The following KCNQ1OT1 variants were observed in gnomAD, a reference collection of about 807,000 sequenced individuals.
KCNQ1OT1 encodes the protein KCNQ1 opposite strand/antisense transcript 1.
At position 2,684,603 on chromosome 11, in the gene KCNQ1OT1, G is replaced by C. The variant is rs1402774115; in HGVS notation, n.15392C>G. The C allele has an allele frequency of 2.0e-5, 8 of 398,528 alleles. No individual in the cohort carries two copies. In the East Asian group the frequency reaches 2.8e-4, roughly 14 times the overall value. The allele number at this position is 398,528 out of a possible 1,614,324, so 24.7% of individuals were successfully genotyped here. On this transcript the variant is annotated non_coding_transcript_exon_variant, in exon 1 of 1. Coordinates refer to ENST00000597346, the Ensembl canonical transcript of KCNQ1OT1. ...AGAGGAGAGTGACTGTCCTTTGTCTGTGGCCCTGGATTTGAGGCTAAGCCT... is the reference window on the plus strand; with the variant it reads ...AGAGGAGAGTGACTGTCCTTTGTCTCTGGCCCTGGATTTGAGGCTAAGCCT...
rs191141051 is a variant in KCNQ1OT1 at position 2,630,995 on chromosome 11, C to A, written n.69000G>T. 426 of 398,482 alleles carry A rather than the reference C, an allele frequency of 1.1e-3. No homozygotes were observed. The highest frequency in any genetic ancestry group is 1.5e-3 in the Non-Finnish European group (334 of 226,004). 24.7% of individuals were successfully genotyped at this position (398,482 alleles called of 1,614,324 possible). On this transcript the variant is annotated non_coding_transcript_exon_variant, in exon 1 of 1. Coordinates refer to ENST00000597346, the Ensembl canonical transcript of KCNQ1OT1. ...AGATGTAAGAACTTTATTTATCTTG[C>A]CGCTTTCAAAATTATCTTGTCTTCC...
Position 2,676,241 on chromosome 11 carries a change from G to A in KCNQ1OT1, n.23754C>T, listed in dbSNP as rs1054688596. ...TACAATGCTGATTTATTATGGTGCAGTACATCTGAGAAGCATTTTTATTGC... is the reference window on the plus strand; with the variant it reads ...TACAATGCTGATTTATTATGGTGCAATACATCTGAGAAGCATTTTTATTGC... On this transcript the variant is annotated non_coding_transcript_exon_variant, in exon 1 of 1. Coordinates refer to ENST00000597346, the Ensembl canonical transcript of KCNQ1OT1. The surrounding 1 kb of genome is among the most constrained non-coding windows in gnomAD (Gnocchi z 4.2). 2.3e-5 allele frequency: 9 copies of A among 398,502 alleles called. No individual in the cohort carries two copies. Among genetic ancestry groups the A allele is most frequent in the African/African-American group, 1.9e-4 (9 of 48,628 alleles). 24.7% of individuals were successfully genotyped at this position (398,502 alleles called of 1,614,324 possible).
chr11:2,667,758 C>G (rs1045304950), exon 1 of KCNQ1OT1: 3 of 398,580 alleles, frequency 7.5e-6, no homozygotes, highest in Non-Finnish European at 1.3e-5. Context: ...CTGGGCCTAG[C>G]GGCCCTGAAG....
At chr11:2,632,826 A>C (rs748675887) in exon 1 of KCNQ1OT1, 3 of 398,278 alleles carry the variant, frequency 7.5e-6, no homozygotes, top group Non-Finnish European at 1.3e-5. Flanking sequence ...CTGCTGATGG[A>C]GATTTAAGTT....
At position 2,661,893 on chromosome 11, in the gene KCNQ1OT1, G is replaced by T; in HGVS notation, n.38102C>A. 1.2e-6 allele frequency: 2 copies of T among 1,606,194 alleles called. No homozygotes were observed. The highest frequency in any genetic ancestry group is 8.5e-7 in the Non-Finnish European group (1 of 1,173,606). ...CTCACCTGGCCCTGGGAGCTCACAG[G>T]CCTGGCTCCACAGCACTGGCAGGTT... On this transcript the variant is annotated non_coding_transcript_exon_variant, in exon 1 of 1. Coordinates refer to ENST00000597346, the Ensembl canonical transcript of KCNQ1OT1. The surrounding 1 kb of genome is among the most constrained non-coding windows in gnomAD (Gnocchi z 5.9).
exon 1 of KCNQ1OT1, chr11:2,610,267 C>T (rs1848957644): frequency 2.5e-6 from 1 of 397,916 alleles, no homozygotes; most frequent in Non-Finnish European, 4.4e-6. Flanking sequence ...AGAAGTTATT[C>T]CTGTATGAGT....
chr11:2,622,813 C>A, exon 1 of KCNQ1OT1: 1 of 398,612 alleles, frequency 2.5e-6, no homozygotes, highest in Non-Finnish European at 4.4e-6. Flanking sequence ...ACATACAGAG[C>A]TTTTCCCATT....
At chr11:2,634,609 T>C (rs1849424736) in exon 1 of KCNQ1OT1, 1 of 152,200 alleles carries the variant, frequency 6.6e-6, no homozygotes, top group African/African-American at 2.4e-5. Flanking sequence ...TTCCAAGTCT[T>C]TGCTATCGTG....
exon 1 of KCNQ1OT1, chr11:2,697,211 AACT>A (rs1471242447): frequency 7.5e-6 from 3 of 398,494 alleles, no homozygotes. Flanking sequence ...CTAAGATGGT[AACT>A]ATCAACAGAT....
exon 1 of KCNQ1OT1, chr11:2,630,348 A>G: frequency 5.0e-6 from 2 of 397,964 alleles, no homozygotes; most frequent in Non-Finnish European, 8.9e-6. Flanking sequence ...GTATAGTCAT[A>G]AAAAAATATC....
In KCNQ1OT1 at chr11:2,645,499, G is replaced by T. The variant is rs1377428460; in HGVS notation, n.54496C>A. The T allele has an allele frequency of 2.5e-6, 1 of 398,630 alleles. No individual in the cohort carries two copies. Among genetic ancestry groups the T allele is most frequent in the Non-Finnish European group, 4.4e-6 (1 of 226,182 alleles). 24.7% of individuals were successfully genotyped at this position (398,630 alleles called of 1,614,324 possible). A position where few individuals can be genotyped will look rare whatever the true frequency, so the allele number is the denominator to read the frequency against. On this transcript the variant is annotated non_coding_transcript_exon_variant, in exon 1 of 1. Coordinates refer to ENST00000597346, the Ensembl canonical transcript of KCNQ1OT1. This position sits in a 1 kb window ranked among gnomAD's most constrained non-coding sequence, Gnocchi z 5.8. Reference sequence around the variant, plus strand: ...CCTGCTGAATGCTCATGTTGGGGCAGCAGCAACTCTATTGCAGCCCTACTC... The same window carrying T: ...CCTGCTGAATGCTCATGTTGGGGCATCAGCAACTCTATTGCAGCCCTACTC...
chr11:2,640,654 T>C (rs879284071), exon 1 of KCNQ1OT1: 1 of 398,178 alleles, frequency 2.5e-6, no homozygotes. Flanking sequence ...AGTCAGGGTA[T>C]CCATCACCCT....
chr11:2,617,208 G>C lies in KCNQ1OT1; in HGVS notation n.82787C>G, dbSNP rs1005600920. 6 of 398,024 alleles carry C rather than the reference G, an allele frequency of 1.5e-5. No individual in the cohort carries two copies. The highest frequency in any genetic ancestry group is 1.8e-5 in the Non-Finnish European group (4 of 225,854). The allele number at this position is 398,024 out of a possible 1,614,324, so 24.7% of individuals were successfully genotyped here. On this transcript the variant is annotated non_coding_transcript_exon_variant, in exon 1 of 1. Transcript: ENST00000597346. This position sits in a 1 kb window ranked among gnomAD's most constrained non-coding sequence, Gnocchi z 4.6. ...ATATATCTGCTACTTGGTATCCTTT[G>C]ACCTACATCTTTCCATTTTCTTCCC...
At chr11:2,672,421 C>T (rs149264822) in exon 1 of KCNQ1OT1, 8 of 398,482 alleles carry the variant, frequency 2.0e-5, no homozygotes, top group African/African-American at 1.6e-4. Context: ...GAGTACAGAA[C>T]AGTCCACCCC....
chr11:2,630,541 T>C, exon 1 of KCNQ1OT1: 1 of 398,330 alleles, frequency 2.5e-6, no homozygotes, highest in African/African-American at 2.1e-5. Flanking sequence ...TGCATATCCA[T>C]TGAGAAATTA....
At position 2,661,451 on chromosome 11, in the gene KCNQ1OT1, G is replaced by C; in HGVS notation, n.38544C>G. Reference sequence around the variant, plus strand: ...ACTGGTTGATGTAGCATCGTGTTTTGAGGAAGGAGTTCTGTGGCTGCCCCC... The same window carrying C: ...ACTGGTTGATGTAGCATCGTGTTTTCAGGAAGGAGTTCTGTGGCTGCCCCC... On this transcript the variant is annotated non_coding_transcript_exon_variant, in exon 1 of 1. Coordinates refer to ENST00000597346, the Ensembl canonical transcript of KCNQ1OT1. The surrounding 1 kb of genome is among the most constrained non-coding windows in gnomAD (Gnocchi z 5.9). 1 of 438,936 alleles carries C rather than the reference G, an allele frequency of 2.3e-6. No homozygotes were observed. Among genetic ancestry groups the C allele is most frequent in the Non-Finnish European group, 4.0e-6 (1 of 249,802 alleles). The allele number at this position is 438,936 out of a possible 1,614,324, so 27.2% of individuals were successfully genotyped here. A position where few individuals can be genotyped will look rare whatever the true frequency, so the allele number is the denominator to read the frequency against.
rs778151566 is a variant in KCNQ1OT1 at position 2,662,634 on chromosome 11, C to T, written n.37361G>A. 6.3e-4 allele frequency: 257 copies of T among 409,214 alleles called. No individual in the cohort carries two copies. Among genetic ancestry groups the T allele is most frequent in the Non-Finnish European group, 9.1e-4 (210 of 231,820 alleles). The allele number at this position is 409,214 out of a possible 1,614,324, so 25.3% of individuals were successfully genotyped here. On this transcript the variant is annotated non_coding_transcript_exon_variant, in exon 1 of 1. Coordinates refer to ENST00000597346, the Ensembl canonical transcript of KCNQ1OT1. ...CATGGCCAGGCCAATCCCCGGTGCC[C>T]GGCCACGGTGTGATTCCCCTGCGAC...
chr11:2,657,017 C>T lies in KCNQ1OT1; in HGVS notation n.42978G>A, dbSNP rs1590011301. 1 of 398,626 alleles carries T rather than the reference C, an allele frequency of 2.5e-6. No homozygotes were observed. The highest frequency in any genetic ancestry group is 3.6e-5 in the East Asian group (1 of 28,074). 24.7% of individuals were successfully genotyped at this position (398,626 alleles called of 1,614,324 possible). A position where few individuals can be genotyped will look rare whatever the true frequency, so the allele number is the denominator to read the frequency against. The stretch of plus-strand genomic sequence containing the variant: ...CAGGATGTGCAGGCCACCTCTGATA[C>T]ACAGCAAGCTTCCATATTTGTGTGG... On this transcript the variant is annotated non_coding_transcript_exon_variant, in exon 1 of 1. Coordinates refer to ENST00000597346, the Ensembl canonical transcript of KCNQ1OT1. The surrounding 1 kb of genome is among the most constrained non-coding windows in gnomAD (Gnocchi z 4.8).
chr11:2,630,599 A>G, exon 1 of KCNQ1OT1: 1 of 398,314 alleles, frequency 2.5e-6, no homozygotes, highest in Non-Finnish European at 4.4e-6. Flanking sequence ...CCTTTATACT[A>G]GAGTTATGTG....
Sources: allele counts gnomAD v4.1 joint callset, GRCh38; gene constraint gnomAD v4.1.1; non-coding constraint Gnocchi (gnomAD v3.1); transcripts MANE v1.5; gene names NCBI Gene and HGNC (gene_info 2026-07-23, HGNC 2026-07-21).